The following MCTP1 variants were observed in gnomAD, a reference collection of about 807,000 sequenced individuals.
MCTP1 encodes the protein multiple C2 and transmembrane domain-containing protein 1.
Under a neutral mutation model 120.6 loss-of-function variants are expected in MCTP1, and 69 were observed. The ratio of observed to expected loss-of-function variants is 0.57; its 90% CI spans 0.47 to 0.70. The LOEUF is 0.70. Ranked by LOEUF, MCTP1 falls within the 30% of genes least tolerant of loss-of-function variation. The pLI is 0.00. For synonymous variants in MCTP1, 529 were observed against 493.1 expected, an observed-to-expected ratio of 1.07 and a Z score of -0.96; for missense variants, 1,203 against 1,248.8, an observed-to-expected ratio of 0.96 and a Z score of 0.55.
chr5:95,221,074 T>C (rs1753640557), intron 1 of MCTP1, among the ~76,000 whole-genome samples: 2 of 152,210 alleles, frequency 1.3e-5, no homozygotes, highest in African/African-American at 4.8e-5. Context: ...GTCCGAAATA[T>C]GCTGTCCAGC....
intron 1 of MCTP1, among the ~76,000 whole-genome samples, chr5:95,035,424 G>A (rs760353983): frequency 3.3e-5 from 5 of 152,114 alleles, no homozygotes; most frequent in South Asian, 2.1e-4. Context: ...GCAGCAACAC[G>A]GATGCAGCTA....
intron 1 of MCTP1, among the ~76,000 whole-genome samples, chr5:95,175,664 G>C (rs1161279472): frequency 2.0e-5 from 3 of 152,080 alleles, no homozygotes; most frequent in Non-Finnish European, 1.5e-5. Flanking sequence ...ATAGCTTATG[G>C]GTAGGTCCAG....
intron 3 of MCTP1, among the ~76,000 whole-genome samples, chr5:94,944,540 G>A (rs1818471625): frequency 6.6e-6 from 1 of 152,150 alleles, no homozygotes; most frequent in South Asian, 2.1e-4. Context: ...CATATAATCA[G>A]TGAGATCACC....
intron 1 of MCTP1, among the ~76,000 whole-genome samples, chr5:95,226,997 G>C (rs1378181259): frequency 1.3e-5 from 2 of 152,108 alleles, no homozygotes; most frequent in Non-Finnish European, 2.9e-5. Flanking sequence ...AGGAGATGCT[G>C]GATGAAAAGC....
intron 17 of MCTP1, among the ~76,000 whole-genome samples, chr5:94,846,892 G>A (rs1792512949): frequency 6.6e-6 from 1 of 151,916 alleles, no homozygotes; most frequent in Non-Finnish European, 1.5e-5. Flanking sequence ...CCAGTAGAGT[G>A]AACAGTGGTT....
At chr5:95,064,054 C>A (rs1169407602) in intron 1 of MCTP1, among the ~76,000 whole-genome samples, 1 of 152,198 alleles carries the variant, frequency 6.6e-6, no homozygotes, top group Non-Finnish European at 1.5e-5. Context: ...GCACTAAATG[C>A]ACGAATAGTT....
intron 13 of MCTP1, among the ~76,000 whole-genome samples, chr5:94,872,096 G>A (rs1797945554): frequency 6.6e-6 from 1 of 152,068 alleles, no homozygotes; most frequent in African/African-American, 2.4e-5. Context: ...GAAAATAAGT[G>A]CAAATTGTTG....
chr5:94,955,577 A>G (rs115417347), intron 2 of MCTP1, among the ~76,000 whole-genome samples: 11,232 of 152,210 alleles, frequency 0.074, 534 homozygotes, highest in Middle Eastern at 0.14. Flanking sequence ...TGAGCTTGGT[A>G]GGGAGAGGGG....
chr5:95,091,675 G>A (rs1382810187), intron 1 of MCTP1, among the ~76,000 whole-genome samples: 1 of 152,186 alleles, frequency 6.6e-6, no homozygotes, highest in Non-Finnish European at 1.5e-5. Context: ...TCCCACAACT[G>A]TTTCAACTCT....
chr5:94,804,820 T>C (rs1410012486), intron 17 of MCTP1, among the ~76,000 whole-genome samples: 1 of 152,220 alleles, frequency 6.6e-6, no homozygotes, highest in Non-Finnish European at 1.5e-5. Flanking sequence ...CATTGCTCTT[T>C]GAGCAGTTGT....
chr5:95,195,628 G>T (rs1367261541), intron 1 of MCTP1, among the ~76,000 whole-genome samples: 2 of 152,106 alleles, frequency 1.3e-5, no homozygotes, highest in East Asian at 3.9e-4. Context: ...CACCATAAAA[G>T]ATATGAGTTT....
At chr5:95,105,868 C>T (rs1757043463) in intron 1 of MCTP1, among the ~76,000 whole-genome samples, 1 of 152,182 alleles carries the variant, frequency 6.6e-6, no homozygotes, top group African/African-American at 2.4e-5. Context: ...ATATTCCCTA[C>T]TCCAAGGATT....
At chr5:95,252,568 G>C (rs1419893332) in intron 1 of MCTP1, among the ~76,000 whole-genome samples, 1 of 152,126 alleles carries the variant, frequency 6.6e-6, no homozygotes, top group African/African-American at 2.4e-5. Context: ...TTAAGAAGAA[G>C]AATTAAGCCT....
chr5:95,037,488 A>G (rs990661450), intron 1 of MCTP1, among the ~76,000 whole-genome samples: 1 of 152,134 alleles, frequency 6.6e-6, no homozygotes, highest in Non-Finnish European at 1.5e-5. Context: ...GGGCAATTTT[A>G]TTTTCTTCCT....
intron 19 of MCTP1, among the ~76,000 whole-genome samples, chr5:94,776,808 C>G (rs867822590): frequency 6.6e-6 from 1 of 152,130 alleles, no homozygotes; most frequent in African/African-American, 2.4e-5. Context: ...AGGAAATTAC[C>G]CTTCTTCCAC....
chr5:94,815,442 G>C (rs978495961), intron 17 of MCTP1, among the ~76,000 whole-genome samples: 2 of 152,178 alleles, frequency 1.3e-5, no homozygotes, highest in African/African-American at 4.8e-5. Flanking sequence ...TCTACTGTCA[G>C]CTTTTCTGGA....
At chr5:95,019,166 T>G (rs751402778) in intron 1 of MCTP1, among the ~76,000 whole-genome samples, 26 of 152,124 alleles carry the variant, frequency 1.7e-4, no homozygotes, top group Non-Finnish European at 2.8e-4. Flanking sequence ...CAAAATTGTA[T>G]GATTTTATGA....
At chr5:95,187,675 C>A (rs1247842312) in intron 1 of MCTP1, among the ~76,000 whole-genome samples, 1 of 152,146 alleles carries the variant, frequency 6.6e-6, no homozygotes, top group Non-Finnish European at 1.5e-5. Context: ...GCTGGGATTA[C>A]AGGCGTGAGC....
chr5:95,258,463 A>C (rs1449328540), intron 1 of MCTP1, among the ~76,000 whole-genome samples: 1 of 152,230 alleles, frequency 6.6e-6, no homozygotes, highest in Non-Finnish European at 1.5e-5. Context: ...CACAGCCAAC[A>C]GGAGCTTAAG....
Sources: gnomAD v4.1 joint callset for allele counts (sites outside exome capture counted in the v4.1 genomes callset) on GRCh38, gnomAD v4.1.1 for gene constraint, MANE v1.5 for transcripts, NCBI Gene and HGNC (gene_info 2026-07-23, HGNC 2026-07-21) for gene names.